Variants in SYNE1 observed in about 807,000 individuals in gnomAD.
The protein encoded by SYNE1 is nesprin-1.
In SYNE1, 616 loss-of-function variants were observed where a neutral mutation model predicts 1,111.0. That is an observed-to-expected ratio of 0.55 (90% confidence interval 0.52 to 0.59). The LOEUF is 0.59. Ranked by LOEUF, SYNE1 falls within the 20% of genes least tolerant of loss-of-function variation. The probability of loss-of-function intolerance (pLI) is 0.00; values close to 1 mark genes in which losing one functional copy is unlikely to be tolerated. For missense variants in SYNE1, 10,006 were observed against 10,417.0 expected (o/e 0.96, Z 1.72); for synonymous variants, 3,855 against 3,825.8 (o/e 1.01, Z -0.28).
At position 152,450,653 on chromosome 6, in the gene SYNE1, G is replaced by A; in HGVS notation, c.3367C>T (p.Pro1123Ser). The A allele has an allele frequency of 6.2e-7, 1 of 1,614,076 alleles. No homozygotes were observed. The highest frequency in any genetic ancestry group is 1.3e-5 in the African/African-American group (1 of 75,012). The change falls in exon 27 of 146, where the codon CCA becomes TCA. Residue 1123 changes from proline to serine, a missense_variant. This residue lies in a region of SYNE1 where 1,971 missense variants were observed against 2,084.1 expected (regional missense o/e 0.95). Transcript: ENST00000367255. ...DSTYRKLMEDPDKWKDYTSRF... is the reference protein window; with the variant it reads ...DSTYRKLMEDSDKWKDYTSRF... ...CTAGTGTAGTCCTTCCACTTGTCTG[G>A]GTCTTCCATGAGCTTCCTGTAGGTG...
rs766395448 is a variant in SYNE1, at chr6:152,207,966, T to A, written c.22824+6A>T. On this transcript the variant is annotated splice_donor_region_variant and intron_variant, in intron 125 of 145. Transcript: ENST00000367255. ...AGGTGTGAGAACACTGTGTTTTGCA[T>A]CTTACCTGCACTTCATCAAAGAGGG... The A allele has an allele frequency of 1.1e-5, 18 of 1,613,998 alleles. No homozygotes were observed. The highest frequency in any genetic ancestry group is 1.5e-5 in the Non-Finnish European group (18 of 1,179,962).
intron 72 of SYNE1, among the ~76,000 whole-genome samples, chr6:152,348,945 C>T (rs904133893): frequency 1.3e-5 from 2 of 152,166 alleles, no homozygotes; most frequent in African/African-American, 4.8e-5. Flanking sequence ...TGGAACAGAA[C>T]CACTCCATCA....
chr6:152,607,141 C>T (rs6931148), intron 3 of SYNE1, among the ~76,000 whole-genome samples: 14,963 of 151,038 alleles, frequency 0.099, 843 homozygotes, highest in African/African-American at 0.16. Context: ...CCAGCCACCA[C>T]GCCTGGCTAA....
intron 3 of SYNE1, among the ~76,000 whole-genome samples, chr6:152,580,354 G>A (rs2099515332): frequency 6.6e-6 from 1 of 151,988 alleles, no homozygotes; most frequent in Non-Finnish European, 1.5e-5. Flanking sequence ...TTTTTCAATG[G>A]GGTTGTTTAG....
chr6:152,189,387 C>T lies in SYNE1; in HGVS notation c.23166G>A (p.Gly7722=), dbSNP rs1245077695. ...MRCKELENAV[G]SWTDDLTQLS... is the part of the protein sequence containing the mutation. ...ACTGGGTCAAGTCATCTGTCCAGCT[C>T]CCAACTGCATTTTCTAATTCCTAAA... Residue 7722 remains glycine, a synonymous_variant, in exon 128 of 146, where the codon GGG becomes GGA. Transcript: ENST00000367255. 6.2e-7 allele frequency: 1 copy of T among 1,614,054 alleles called. No homozygotes were observed. Among genetic ancestry groups the T allele is most frequent in the African/African-American group, 1.3e-5 (1 of 75,006 alleles).
At chr6:152,448,637 T>C (rs1274264022) in intron 28 of SYNE1, among the ~76,000 whole-genome samples, 3 of 151,350 alleles carry the variant, frequency 2.0e-5, no homozygotes, top group Non-Finnish European at 4.4e-5. Context: ...AGCCCAGGAG[T>C]TTGAAACTAG....
chr6:152,471,597 C>T lies in SYNE1; in HGVS notation c.1632G>A (p.Val544=). 1 of 1,613,756 alleles carries T rather than the reference C, an allele frequency of 6.2e-7. No individual in the cohort carries two copies. The highest frequency in any genetic ancestry group is 8.5e-7 in the Non-Finnish European group (1 of 1,179,752). ...ESVEQLLQNY[V]SFIENSKFFE... ...CTCTGTCAAAGCACGGGGGACTCAC[C>T]ACGTAGTTTTGTAGAAGCTGCTCCA... is the stretch of plus-strand genomic sequence containing the variant. Residue 544 remains valine (V), a splice_region_variant and synonymous_variant, in exon 16 of 146, where the codon GTG becomes GTA. Coordinates refer to ENST00000367255, the MANE Select transcript of SYNE1 (RefSeq NM_182961.4).
rs922394421 is a variant in SYNE1 at position 152,319,288 on chromosome 6, T to C, written c.16237-273A>G. 5.3e-5 allele frequency among the ~76,000 whole-genome samples: 8 copies of C among 152,362 alleles called. No individual in the cohort carries two copies. In the East Asian group the frequency reaches 1.3e-3, roughly 26 times the overall value. On this transcript the variant is annotated intron_variant, in intron 84 of 145. Coordinates refer to ENST00000367255, the MANE Select transcript of SYNE1 (RefSeq NM_182961.4). ...TTAAATATTTACAGAATACTCATTA[T>C]AGATGGTTGTGTAGACAGCTGAGTT... is the stretch of plus-strand genomic sequence containing the variant.
At chr6:152,174,458 C>T (rs974693797) in intron 130 of SYNE1, among the ~76,000 whole-genome samples, 28 of 152,154 alleles carry the variant, frequency 1.8e-4, no homozygotes, top group Non-Finnish European at 3.5e-4. Flanking sequence ...TACTCCATTC[C>T]CATCCTGAAC....
chr6:152,499,652 CTG>C (rs2099018221), intron 10 of SYNE1, among the ~76,000 whole-genome samples: 1 of 152,064 alleles, frequency 6.6e-6, no homozygotes, highest in South Asian at 2.1e-4. Context: ...TTACCATTAA[CTG>C]TTAAATATAA....
rs767764351 is a variant in SYNE1, at chr6:152,367,375, A to G, written c.9815T>C (p.Val3272Ala). 6.2e-7 allele frequency: 1 copy of G among 1,614,122 alleles called. No individual in the cohort carries two copies. Among genetic ancestry groups the G allele is most frequent in the South Asian group, 1.1e-5 (1 of 91,080 alleles). ...LALSNLTKEK[V>A]SRLDRIVAEH... ...TGCAACGATTCTATCCAGTCTTGAC[A>G]CTTTCTCCTGGAAATGACAGAAATG... is the stretch of plus-strand genomic sequence containing the variant. The change falls in exon 62 of 146, where the codon GTG becomes GCG. Residue 3272 changes from valine (V) to alanine (A), a missense_variant. Around this residue, in one of 7 missense-constraint regions of SYNE1, gnomAD observed 4,955 missense variants for 5,017.2 expected, o/e 0.99. Transcript: ENST00000367255.
At chr6:152,410,486 A>C (rs169975) in intron 42 of SYNE1, 72,513 of 151,828 alleles carry the variant, frequency 0.48, 18,977 homozygotes, top group East Asian at 0.75. Flanking sequence ...TAATCCTAGC[A>C]CTTTGCGAGT....
At position 152,208,045 on chromosome 6, in the gene SYNE1, T is replaced by C; in HGVS notation, c.22751A>G (p.Tyr7584Cys). ...ACTTCCGAGACCACTCATGGGGAGG[T>C]AGGACACTTCAACCAACCATTTACG... ...KLRKWLVEVS[Y>C]LPMSGLGSVP... The change falls in exon 125 of 146, where the codon TAC becomes TGC. Residue 7584 changes from tyrosine (Y) to cysteine (C), a missense_variant. This residue lies in a region of SYNE1 where 2,182 missense variants were observed against 2,287.8 expected (regional missense o/e 0.95). Transcript: ENST00000367255. 1 of 1,614,030 alleles carries C rather than the reference T, an allele frequency of 6.2e-7. No homozygotes were observed. Among genetic ancestry groups the C allele is most frequent in the Non-Finnish European group, 8.5e-7 (1 of 1,180,010 alleles).
Position 152,309,916 on chromosome 6 carries a change from A to C in SYNE1, c.17121T>G (p.Pro5707=), listed in dbSNP as rs370891829. The C allele has an allele frequency of 3.0e-5, 49 of 1,614,168 alleles. No individual in the cohort carries two copies. The highest frequency in any genetic ancestry group is 4.1e-5 in the Non-Finnish European group (48 of 1,180,036). ...RIPEDVVASL[P]LCHAALRLQE... The stretch of plus-strand genomic sequence containing the variant: ...GCAGCCGCAGAGCAGCATGACAGAG[A>C]GGTAAGCTGGCAACCACATCCTCGG... The change falls in exon 90 of 146, where the codon CCT becomes CCG. Residue 5707 remains proline (P), a synonymous_variant. Coordinates refer to ENST00000367255, the MANE Select transcript of SYNE1 (RefSeq NM_182961.4).
At chr6:152,183,429 C>T (rs2068708951) in intron 128 of SYNE1, among the ~76,000 whole-genome samples, 1 of 152,050 alleles carries the variant, frequency 6.6e-6, no homozygotes, top group Non-Finnish European at 1.5e-5. Context: ...AGTGAAACCC[C>T]ACCTCTACTA....
intron 104 of SYNE1, among the ~76,000 whole-genome samples, chr6:152,254,196 G>A (rs1463628934): frequency 6.8e-6 from 1 of 147,934 alleles, no homozygotes; most frequent in African/African-American, 2.5e-5. Context: ...AGACTCTTAG[G>A]TACTACAGTC....
chr6:152,407,134 A>T lies in SYNE1; in HGVS notation c.6603T>A (p.Asp2201Glu). 1 of 1,614,048 alleles carries T rather than the reference A, an allele frequency of 6.2e-7. No individual in the cohort carries two copies. Among genetic ancestry groups the T allele is most frequent in the South Asian group, 1.1e-5 (1 of 91,072 alleles). The change falls in exon 45 of 146, where the codon GAT becomes GAA. Residue 2201 changes from aspartate (D) to glutamate (E), a missense_variant. By Grantham distance (45) the Asp-to-Glu change is conservative. Coordinates refer to ENST00000367255, the MANE Select transcript of SYNE1 (RefSeq NM_182961.4). ...CAATCTCATCTCTAGTTGACAGTAC[A>T]TCATCCCAAATGGACAGGCTTACTC... The part of the protein sequence containing the change: ...RLRVSLSIWD[D>E]VLSTRDEIEG...
chr6:152,511,601 A>G lies in SYNE1; in HGVS notation c.310-498T>C, dbSNP rs1374782502. On this transcript the variant is annotated intron_variant, in intron 6 of 145. Transcript: ENST00000367255. ...ATCCTCTGTGCATGGACTGACATGAAAAACAAAGGGAGAAGATAATAGATA... is the reference window on the plus strand; with the variant it reads ...ATCCTCTGTGCATGGACTGACATGAGAAACAAAGGGAGAAGATAATAGATA... 2 of 1,612,188 alleles carry G rather than the reference A, an allele frequency of 1.2e-6. No homozygotes were observed. Among genetic ancestry groups the G allele is most frequent in the Non-Finnish European group, 1.7e-6 (2 of 1,178,440 alleles).
At chr6:152,292,891 T>C (rs1262744855) in intron 95 of SYNE1, among the ~76,000 whole-genome samples, 1 of 152,186 alleles carries the variant, frequency 6.6e-6, no homozygotes, top group African/African-American at 2.4e-5. Flanking sequence ...TAGACCCCAG[T>C]TATACAAAAT....
Sources: gnomAD v4.1 joint callset for allele counts (sites outside exome capture counted in the v4.1 genomes callset) on GRCh38, gnomAD v4.1.1 for gene constraint, gnomAD v4.1.1 regional missense constraint, MANE v1.5 for transcripts, NCBI Gene and HGNC (gene_info 2026-07-23, HGNC 2026-07-21) for gene names.